TENM2: variants seen among roughly 807,000 people sequenced by gnomAD.
The protein encoded by TENM2 is teneurin transmembrane protein 2.
In TENM2, 52 loss-of-function variants were observed where a neutral mutation model predicts 245.2. The observed-to-expected ratio is 0.21, with a 90% CI of 0.17 to 0.27. The LOEUF is 0.27. Among genes scored for constraint, TENM2 ranks in the 10% least tolerant of loss-of-function variants. The pLI is 1.00. For synonymous variants in TENM2, 1,363 were observed against 1,438.9 expected, an observed-to-expected ratio of 0.95 and a Z score of 1.19; for missense variants, 3,046 against 3,666.8, an observed-to-expected ratio of 0.83 and a Z score of 4.37.
intron 5 of TENM2, among the ~76,000 whole-genome samples, chr5:168,036,551 G>T (rs1211742249): frequency 6.6e-6 from 1 of 150,902 alleles, no homozygotes; most frequent in Non-Finnish European, 1.5e-5. Flanking sequence ...CTAGATAATC[G>T]CTTGAACATG....
chr5:167,649,572 A>G (rs1385412604), intron 2 of TENM2, among the ~76,000 whole-genome samples: 1 of 152,146 alleles, frequency 6.6e-6, no homozygotes, highest in Non-Finnish European at 1.5e-5. Context: ...TTCTTATGTC[A>G]TGGCCTATTA....
intron 12 of TENM2, among the ~76,000 whole-genome samples, chr5:168,161,878 C>G (rs988034855): frequency 6.6e-6 from 1 of 150,670 alleles, no homozygotes; most frequent in African/African-American, 2.5e-5. Context: ...AAAATAAGAA[C>G]TACTCCTACC....
the TENM2 span, among the ~76,000 whole-genome samples, chr5:167,172,343 A>T: frequency 6.6e-6 from 1 of 152,192 alleles, no homozygotes; most frequent in Non-Finnish European, 1.5e-5. Flanking sequence ...GGTAAACTTG[A>T]TGGAAAAGGC....
upstream of TENM2, among the ~76,000 whole-genome samples, chr5:167,281,051 G>T (rs1171713486): frequency 6.6e-6 from 1 of 151,732 alleles, no homozygotes; most frequent in Admixed American, 6.6e-5. Context: ...GATTTTTAAA[G>T]ATAAGAATCC....
chr5:167,157,273 GAC>G, the TENM2 span, among the ~76,000 whole-genome samples: 1 of 152,184 alleles, frequency 6.6e-6, no homozygotes, highest in Non-Finnish European at 1.5e-5. Context: ...ACAGCTCCAA[GAC>G]AGGGCAAATC....
At chr5:168,203,858 A>C (rs1309635129) in intron 18 of TENM2, 26 bp downstream of exon 20, 1 of 1,575,246 alleles carries the variant, frequency 6.3e-7, no homozygotes, top group African/African-American at 1.3e-5. Context: ...TTCTTTCCCA[A>C]ATACAGCCTT....
intron 2 of TENM2, among the ~76,000 whole-genome samples, chr5:167,387,703 T>A (rs1236359459): frequency 6.6e-6 from 1 of 152,038 alleles, no homozygotes; most frequent in Non-Finnish European, 1.5e-5. Context: ...TGTATGCTGA[T>A]TTTGCTGAGA....
intron 2 of TENM2, among the ~76,000 whole-genome samples, chr5:167,547,726 T>C (rs543968553): frequency 8.5e-5 from 13 of 152,190 alleles, no homozygotes; most frequent in Admixed American, 2.0e-4. Context: ...TATAGCCTCA[T>C]AATAGTCCCT....
chr5:168,221,464 TAGCGTTGTAA>T (rs1297887498), intron 23 of TENM2, among the ~76,000 whole-genome samples: 2 of 152,160 alleles, frequency 1.3e-5, no homozygotes, highest in African/African-American at 4.8e-5. Flanking sequence ...CATTGCACAC[TAGCGTTGTAA>T]AGCAGGGCTA....
chr5:167,954,120 T>C (rs1381304569), intron 4 of TENM2, among the ~76,000 whole-genome samples: 1 of 147,230 alleles, frequency 6.8e-6, no homozygotes, highest in Admixed American at 6.9e-5. Flanking sequence ...ATACAAAGGG[T>C]GCTGCATTAT....
chr5:168,163,085 T>A (rs1757898463), intron 13 of TENM2, among the ~76,000 whole-genome samples: 1 of 152,168 alleles, frequency 6.6e-6, no homozygotes, highest in Non-Finnish European at 1.5e-5. Context: ...TCGGTGACAA[T>A]GAGGATGACA....
chr5:167,865,901 A>C (rs1177868279), intron 2 of TENM2, among the ~76,000 whole-genome samples: 1 of 152,254 alleles, frequency 6.6e-6, no homozygotes, highest in Admixed American at 6.5e-5. Flanking sequence ...TGAGTAGTTG[A>C]TATACATCCA....
At chr5:167,660,464 C>CAAAAAAA (rs749846307) in intron 2 of TENM2, 5 of 33,154 alleles carry the variant, frequency 1.5e-4, no homozygotes, top group African/African-American at 2.9e-4. Flanking sequence ...GGCTGTGTCT[C>CAAAAAAA]AAAAAAAAAA....
chr5:166,983,003 G>A, the TENM2 span, among the ~76,000 whole-genome samples: 1 of 152,004 alleles, frequency 6.6e-6, no homozygotes, highest in South Asian at 2.1e-4. Flanking sequence ...GCTTTAAAGA[G>A]GGAATGTTCA....
At position 168,037,538 on chromosome 5, in the gene TENM2, CT is replaced by C. The variant is rs35253311; in HGVS notation, c.1187-9874del. 1.4e-3 allele frequency among the ~76,000 whole-genome samples: 188 copies of C among 135,610 alleles called. 1 individual carries two copies. The highest frequency in any genetic ancestry group is 3.9e-3 in the East Asian group (18 of 4,632). 89.0% of individuals were successfully genotyped at this position (135,610 alleles called of 152,430 possible). A position where few individuals can be genotyped will look rare whatever the true frequency, so the allele number is the denominator to read the frequency against. ...TAGGATCAGAAAGGACCATAATGGT[CT>C]TTTTTTTTTTTTTTGGCTAATTTTA... is the stretch of plus-strand genomic sequence containing the variant. On this transcript the variant is annotated intron_variant, in intron 5 of 28. Transcript: ENST00000518659.
At chr5:167,805,332 G>C (rs1342181373) in intron 2 of TENM2, among the ~76,000 whole-genome samples, 1 of 152,130 alleles carries the variant, frequency 6.6e-6, no homozygotes, top group Admixed American at 6.5e-5. Flanking sequence ...ATAGGTATTG[G>C]CTCTCCTGAG....
At chr5:167,897,888 TTG>T (rs1423492624) in intron 3 of TENM2, among the ~76,000 whole-genome samples, 15 of 125,950 alleles carry the variant, frequency 1.2e-4, no homozygotes, top group South Asian at 2.7e-4. Flanking sequence ...CCGTAGTAAA[TTG>T]TTTTTTTTTT....
At chr5:167,675,086 G>C (rs1041044424) in intron 2 of TENM2, among the ~76,000 whole-genome samples, 1 of 152,024 alleles carries the variant, frequency 6.6e-6, no homozygotes, top group Non-Finnish European at 1.5e-5. Context: ...CATCACCCCA[G>C]GAATATGTAA....
intron 2 of TENM2, among the ~76,000 whole-genome samples, chr5:167,587,220 C>T (rs928315880): frequency 6.6e-6 from 1 of 152,148 alleles, no homozygotes; most frequent in Non-Finnish European, 1.5e-5. Flanking sequence ...CTTTCTATAT[C>T]TTTAAGGCCC....
Sources: allele counts gnomAD v4.1 joint callset (sites outside exome capture counted in the v4.1 genomes callset), GRCh38; gene constraint gnomAD v4.1.1; transcripts MANE v1.5; gene names NCBI Gene and HGNC (gene_info 2026-07-23, HGNC 2026-07-21).